The following MB21D2 variants were observed in gnomAD, a reference collection of about 807,000 sequenced individuals.
MB21D2 encodes the protein Mab-21 domain containing 2.
Under a neutral mutation model 33.3 loss-of-function variants are expected in MB21D2, and 9 were observed. The ratio of observed to expected loss-of-function variants is 0.27; its 90% confidence interval spans 0.16 to 0.47. MB21D2 has a LOEUF of 0.47. Among genes scored for constraint, MB21D2 ranks in the 20% least tolerant of loss-of-function variants. The probability of loss-of-function intolerance (pLI) is 0.99; values close to 1 mark genes in which losing one functional copy is unlikely to be tolerated. For missense variants in MB21D2, 540 were observed against 624.6 expected (o/e 0.86, Z 1.44); for synonymous variants, 241 against 236.3 (o/e 1.02, Z -0.18).
chr3:192,810,964 T>G (rs933178435), intron 1 of MB21D2, among the ~76,000 whole-genome samples: 2 of 152,204 alleles, frequency 1.3e-5, no homozygotes, highest in African/African-American at 4.8e-5. Flanking sequence ...ATCCCTGGGT[T>G]CACTTGCAGC....
intron 1 of MB21D2, among the ~76,000 whole-genome samples, chr3:192,905,635 C>CAAAAAAA (rs142676577): frequency 2.4e-5 from 2 of 84,976 alleles, no homozygotes; most frequent in Non-Finnish European, 2.2e-5. Flanking sequence ...CGCCCTGTCT[C>CAAAAAAA]AAAAAAAAAA....
chr3:192,870,925 G>C (rs1216815452), intron 1 of MB21D2, among the ~76,000 whole-genome samples: 1 of 152,078 alleles, frequency 6.6e-6, no homozygotes, highest in African/African-American at 2.4e-5. Context: ...ACCAATGTGA[G>C]GACAGTTGGT....
intron 1 of MB21D2, among the ~76,000 whole-genome samples, chr3:192,843,845 C>A (rs1157815762): frequency 1.3e-5 from 2 of 152,058 alleles, no homozygotes; most frequent in Non-Finnish European, 2.9e-5. Context: ...CCTACACAGC[C>A]CCCAGCCCAG....
At chr3:192,886,369 C>T (rs551814070) in intron 1 of MB21D2, among the ~76,000 whole-genome samples, 8 of 152,212 alleles carry the variant, frequency 5.3e-5, no homozygotes, top group African/African-American at 1.9e-4. Flanking sequence ...AATATTTTCA[C>T]GTACGTTGAC....
At chr3:192,886,343 G>T (rs970079522) in intron 1 of MB21D2, among the ~76,000 whole-genome samples, 1 of 152,152 alleles carries the variant, frequency 6.6e-6, no homozygotes, top group Non-Finnish European at 1.5e-5. Context: ...ACATTCTTGA[G>T]TACTTGAGTT....
chr3:192,852,511 C>T (rs929969680), intron 1 of MB21D2, among the ~76,000 whole-genome samples: 2 of 152,016 alleles, frequency 1.3e-5, no homozygotes, highest in South Asian at 2.1e-4. Context: ...ACATTTTAAA[C>T]GGGGGAAAAA....
chr3:192,860,460 A>G (rs1461101503), intron 1 of MB21D2, among the ~76,000 whole-genome samples: 1 of 152,240 alleles, frequency 6.6e-6, no homozygotes, highest in African/African-American at 2.4e-5. Context: ...GAGAAATGTC[A>G]TTAGCATGCA....
intron 1 of MB21D2, among the ~76,000 whole-genome samples, chr3:192,897,171 G>A (rs1713996000): frequency 6.6e-6 from 1 of 152,134 alleles, no homozygotes; most frequent in Non-Finnish European, 1.5e-5. Context: ...GTGGTAACAG[G>A]TGACAAAGGT....
At chr3:192,909,802 C>T (rs1445148949) in intron 1 of MB21D2, among the ~76,000 whole-genome samples, 15 of 151,460 alleles carry the variant, frequency 9.9e-5, no homozygotes, top group African/African-American at 2.7e-4. Context: ...CATGGTGGCA[C>T]GCACCTGTAA....
intron 1 of MB21D2, among the ~76,000 whole-genome samples, chr3:192,875,733 C>T (rs937312852): frequency 1.3e-5 from 2 of 152,112 alleles, no homozygotes; most frequent in Admixed American, 6.5e-5. Flanking sequence ...GTAATTAAGA[C>T]TTTCCACAGT....
In MB21D2 at chr3:192,838,460, G is replaced by A. The variant is rs1172187424; in HGVS notation, c.212-38810C>T. Among the ~76,000 whole-genome samples, 9 of 138,116 alleles carry A rather than the reference G, an allele frequency of 6.5e-5. No individual in the cohort carries two copies. In the South Asian group the frequency reaches 1.4e-3, roughly 21 times the overall value. The allele number at this position is 138,116 out of a possible 152,430, so 90.6% of individuals were successfully genotyped here. ...TTTTTTTTTTTTGAGATGGAGTCTC[G>A]CTCTGTCACCCAGGCTGGAGTGCAG... On this transcript the variant is annotated intron_variant, in intron 1 of 1. Coordinates refer to ENST00000392452, the MANE Select transcript of MB21D2 (RefSeq NM_178496.4).
At chr3:192,864,388 T>C (rs542404926) in intron 1 of MB21D2, among the ~76,000 whole-genome samples, 2 of 152,316 alleles carry the variant, frequency 1.3e-5, no homozygotes, top group Admixed American at 6.5e-5. Context: ...TCATTACTGT[T>C]ATTGCAGAAA....
At chr3:192,873,009 A>AC (rs780328953) in intron 1 of MB21D2, among the ~76,000 whole-genome samples, 2,028 of 141,972 alleles carry the variant, frequency 0.014, 43 homozygotes, top group African/African-American at 0.047. Flanking sequence ...TTTAGAAGAC[A>AC]CCCCCCCCCA....
intron 1 of MB21D2, among the ~76,000 whole-genome samples, chr3:192,910,105 G>A (rs543503917): frequency 1.8e-4 from 28 of 151,640 alleles, no homozygotes; most frequent in Non-Finnish European, 4.1e-4. Flanking sequence ...CTCAGAAGAT[G>A]GCAAATAAGG....
At chr3:192,800,097 GC>G (rs1372989318) in intron 1 of MB21D2, among the ~76,000 whole-genome samples, 1 of 152,020 alleles carries the variant, frequency 6.6e-6, no homozygotes, top group Admixed American at 6.5e-5. Context: ...ATGAAGTTCG[GC>G]CTTTTTTATC....
chr3:192,871,303 C>A (rs149003990), intron 1 of MB21D2, among the ~76,000 whole-genome samples: 56 of 152,188 alleles, frequency 3.7e-4, no homozygotes, highest in African/African-American at 1.3e-3. Context: ...TGAAAAATGA[C>A]GGTTATTTAG....
chr3:192,859,603 T>C (rs768944732), intron 1 of MB21D2, among the ~76,000 whole-genome samples: 1 of 151,198 alleles, frequency 6.6e-6, no homozygotes, highest in Non-Finnish European at 1.5e-5. Context: ...ATCTGTGTGT[T>C]TTCTTCAGCA....
chr3:192,842,710 CA>C (rs1157481012), intron 1 of MB21D2, among the ~76,000 whole-genome samples: 1 of 152,162 alleles, frequency 6.6e-6, no homozygotes, highest in Non-Finnish European at 1.5e-5. Flanking sequence ...TTATCAATCT[CA>C]TCAAGTCATC....
At chr3:192,855,891 G>T (rs1173086339) in intron 1 of MB21D2, among the ~76,000 whole-genome samples, 1 of 152,186 alleles carries the variant, frequency 6.6e-6, no homozygotes, top group African/African-American at 2.4e-5. Flanking sequence ...TGGCCAACAT[G>T]GCGAAAGCCC....
Sources: gnomAD v4.1 joint callset for allele counts (sites outside exome capture counted in the v4.1 genomes callset) on GRCh38, gnomAD v4.1.1 for gene constraint, MANE v1.5 for transcripts, NCBI Gene and HGNC (gene_info 2026-07-23, HGNC 2026-07-21) for gene names.